NTRK2: variants seen among roughly 807,000 people sequenced by gnomAD.
NTRK2 encodes the protein neurotrophic receptor tyrosine kinase 2, also known as BDNF/NT-3 growth factors receptor.
A neutral mutation model predicts 94.5 loss-of-function variants in NTRK2; 13 were observed. The observed-to-expected ratio is 0.14, with a 90% CI of 0.09 to 0.22. The LOEUF (loss-of-function observed/expected upper bound fraction) is 0.22. Ranked by LOEUF, NTRK2 falls within the 10% of genes least tolerant of loss-of-function variation. NTRK2 has a pLI of 1.00. For synonymous variants in NTRK2, 372 were observed against 407.4 expected, an observed-to-expected ratio of 0.91 and a Z score of 1.05; for missense variants, 639 against 1,071.2, an observed-to-expected ratio of 0.60 and a Z score of 5.63.
At chr9:84,678,691 CA>C (rs201673055) in intron 2 of NTRK2, among the ~76,000 whole-genome samples, 1 of 151,796 alleles carries the variant, frequency 6.6e-6, no homozygotes, top group African/African-American at 2.4e-5. Flanking sequence ...TAAGGTGTGA[CA>C]AAAAAACACA....
intron 14 of NTRK2, among the ~76,000 whole-genome samples, chr9:84,920,627 CTA>C (rs2077535588): frequency 6.6e-6 from 1 of 152,184 alleles, no homozygotes; most frequent in Non-Finnish European, 1.5e-5. Flanking sequence ...TTCTTCTACT[CTA>C]TGTTTCATGC....
intron 14 of NTRK2, chr9:84,874,126 A>T: frequency 9.4e-7 from 1 of 1,064,892 alleles, no homozygotes; most frequent in Non-Finnish European, 1.1e-6. Context: ...GAATCCAATC[A>T]AGCTACGCCC....
intron 16 of NTRK2, among the ~76,000 whole-genome samples, chr9:84,950,949 G>A (rs2078760293): frequency 6.6e-6 from 1 of 152,190 alleles, no homozygotes; most frequent in Non-Finnish European, 1.5e-5. Flanking sequence ...TTCCATGGGT[G>A]CTGAAGAGGG....
Position 84,752,408 on chromosome 9 carries a change from G to T in NTRK2, c.1396+323G>T, listed in dbSNP as rs148027706. On this transcript the variant is annotated intron_variant, in intron 12 of 18. Transcript: ENST00000277120. ...AGAAAGGCAGGTGAGACACAGTGGG[G>T]ATAGGATAACCTGGACACATGTATT... Among the ~76,000 whole-genome samples, 316 of 152,330 alleles carry T rather than the reference G, an allele frequency of 2.1e-3. 1 individual carries two copies. Among genetic ancestry groups the T allele is most frequent in the Non-Finnish European group, 3.4e-3 (230 of 68,032 alleles).
chr9:85,014,520 C>T (rs1048710040), intron 17 of NTRK2, among the ~76,000 whole-genome samples: 8 of 152,170 alleles, frequency 5.3e-5, no homozygotes, highest in Non-Finnish European at 4.4e-5. Context: ...CCTTCATTTC[C>T]CTAAATTCCA....
At chr9:84,737,928 A>G (rs1452446220) in intron 9 of NTRK2, among the ~76,000 whole-genome samples, 1 of 151,462 alleles carries the variant, frequency 6.6e-6, no homozygotes, top group Admixed American at 6.6e-5. Context: ...GCACCTTAGG[A>G]TGCTCAACAC....
intron 12 of NTRK2, among the ~76,000 whole-genome samples, chr9:84,829,572 T>C (rs1412760048): frequency 6.6e-6 from 1 of 152,080 alleles, no homozygotes; most frequent in Non-Finnish European, 1.5e-5. Context: ...GTGTGTTGAG[T>C]GTTCTGTCTG....
At chr9:84,857,359 A>G (rs2075117404) in intron 12 of NTRK2, among the ~76,000 whole-genome samples, 2 of 152,220 alleles carry the variant, frequency 1.3e-5, no homozygotes. Flanking sequence ...TGCAGTGAAT[A>G]AAGTGTCTCT....
intron 14 of NTRK2, among the ~76,000 whole-genome samples, chr9:84,884,690 G>T (rs899186558): frequency 2.0e-5 from 3 of 152,118 alleles, no homozygotes; most frequent in Admixed American, 6.6e-5. Context: ...TCATTATCTT[G>T]CAATACAACC....
intron 17 of NTRK2, among the ~76,000 whole-genome samples, chr9:85,005,635 A>G (rs911569127): frequency 1.3e-5 from 2 of 152,190 alleles, no homozygotes; most frequent in Admixed American, 6.5e-5. Context: ...TACCAATGAT[A>G]ACCCTGAGTA....
intron 12 of NTRK2, chr9:84,810,755 T>C: frequency 6.8e-7 from 1 of 1,464,146 alleles, no homozygotes; most frequent in Non-Finnish European, 9.0e-7. Context: ...CTGCATATAC[T>C]GTGAGCTGTG....
chr9:84,864,736 CTTT>C (rs71369154), intron 13 of NTRK2, among the ~76,000 whole-genome samples: 10 of 104,604 alleles, frequency 9.6e-5, no homozygotes, highest in East Asian at 6.1e-4. Context: ...TCTTAATTTT[CTTT>C]TTTTTTTTTT....
chr9:84,761,035 T>C, intron 12 of NTRK2, among the ~76,000 whole-genome samples: 1 of 152,222 alleles, frequency 6.6e-6, no homozygotes, highest in East Asian at 1.9e-4. Context: ...AGCCAAGGCT[T>C]GGACAGGCTA....
intron 17 of NTRK2, among the ~76,000 whole-genome samples, chr9:84,972,106 A>T (rs967954365): frequency 1.3e-5 from 2 of 152,210 alleles, no homozygotes; most frequent in Non-Finnish European, 2.9e-5. Flanking sequence ...GAACAACGCC[A>T]AGGTGGGAGA....
intron 16 of NTRK2, among the ~76,000 whole-genome samples, chr9:84,954,547 T>C (rs1313953269): frequency 1.3e-5 from 2 of 152,202 alleles, no homozygotes; most frequent in African/African-American, 2.4e-5. Flanking sequence ...AGTTCTCCTA[T>C]GTGTTGGCCA....
Position 84,861,162 on chromosome 9 carries a change from C to T in NTRK2, c.1444+75C>T. 5 of 1,105,706 alleles carry T rather than the reference C, an allele frequency of 4.5e-6. No homozygotes were observed. The South Asian group carries it at 5.2e-5, about 11-fold the overall frequency. The allele number at this position is 1,105,706 out of a possible 1,614,324, so 68.5% of individuals were successfully genotyped here. A position where few individuals can be genotyped will look rare whatever the true frequency, so the allele number is the denominator to read the frequency against. On this transcript the variant is annotated intron_variant, in intron 13 of 18. Coordinates refer to ENST00000277120, the MANE Select transcript of NTRK2 (RefSeq NM_006180.6). ...TTATTCGGATGAAAATGCTTAGACC[C>T]TCTTTACATTCCACGGTCTTTGATT...
At chr9:84,844,471 C>T (rs1228525571) in intron 12 of NTRK2, among the ~76,000 whole-genome samples, 2 of 152,234 alleles carry the variant, frequency 1.3e-5, no homozygotes, top group African/African-American at 4.8e-5. Flanking sequence ...CTATTCTTCT[C>T]TTGTTATATT....
In NTRK2 at chr9:85,021,513, G is replaced by A. The variant is rs889322286; in HGVS notation, c.*76G>A. On this transcript the variant is annotated 3_prime_UTR_variant, in exon 19 of 19. Transcript: ENST00000277120. ...AGAGGATGAACATCTTTTAACTGCC[G>A]CTGGAGGCCACCAAGCTGCTCTCCT... 65 of 1,439,474 alleles carry A rather than the reference G, an allele frequency of 4.5e-5. No homozygotes were observed. Among genetic ancestry groups the A allele is most frequent in the Non-Finnish European group, 5.4e-5 (55 of 1,023,022 alleles). 89.2% of individuals were successfully genotyped at this position (1,439,474 alleles called of 1,614,324 possible). A position where few individuals can be genotyped will look rare whatever the true frequency, so the allele number is the denominator to read the frequency against.
intron 14 of NTRK2, among the ~76,000 whole-genome samples, chr9:84,897,726 C>T (rs1429554005): frequency 6.6e-6 from 1 of 152,212 alleles, no homozygotes; most frequent in African/African-American, 2.4e-5. Context: ...CCTCACAAAC[C>T]ACTTCTTCAG....
Sources: gnomAD v4.1 joint callset for allele counts (sites outside exome capture counted in the v4.1 genomes callset) on GRCh38, gnomAD v4.1.1 for gene constraint, MANE v1.5 for transcripts, NCBI Gene and HGNC (gene_info 2026-07-23, HGNC 2026-07-21) for gene names.